Variants in ZNF845 observed in about 807,000 individuals in gnomAD.
The protein encoded by ZNF845 is zinc finger protein 845.
In ZNF845, 59 loss-of-function variants were observed where a neutral mutation model predicts 76.1. The ratio of observed to expected loss-of-function variants is 0.78; its 90% CI spans 0.63 to 0.96. The LOEUF (loss-of-function observed/expected upper bound fraction) is 0.96. ZNF845 is among the 40% of genes least tolerant of loss of function. The pLI, the probability that ZNF845 is intolerant of heterozygous loss-of-function variation, is 0.00. For synonymous variants in ZNF845, 361 were observed against 386.9 expected (o/e 0.93, Z 0.78); for missense variants, 1,045 against 1,172.8 (o/e 0.89, Z 1.59).
At position 53,352,545 on chromosome 19, in the gene ZNF845, G is replaced by A. The variant is rs2085348314; in HGVS notation, c.1870G>A (p.Val624Ile). The stretch of plus-strand genomic sequence containing the variant: ...TTTCAGACATCGTTCATACCTTGCA[G>A]TTCATTGGCGAACTCATAGTGGAGA... ...KFFRHRSYLA[V>I]HWRTHSGEKP... Residue 624 changes from valine to isoleucine, a missense_variant, in exon 4 of 4, where the codon GTT becomes ATT. By Grantham distance (29) the Val-to-Ile change is conservative. Coordinates refer to ENST00000458035, the MANE Select transcript of ZNF845 (RefSeq NM_138374.3). 6.2e-7 allele frequency: 1 copy of A among 1,607,066 alleles called. No homozygotes were observed. Among genetic ancestry groups the A allele is most frequent in the African/African-American group, 1.3e-5 (1 of 74,522 alleles).
chr19:53,339,659 G>A (rs2085242431), intron 1 of ZNF845, among the ~76,000 whole-genome samples: 1 of 152,190 alleles, frequency 6.6e-6, no homozygotes, highest in Non-Finnish European at 1.5e-5. Context: ...GGGCAGCCAG[G>A]AAGCCTCTCC....
intron 3 of ZNF845, among the ~76,000 whole-genome samples, chr19:53,345,871 G>A (rs1000941390): frequency 1.5e-5 from 2 of 129,920 alleles, no homozygotes; most frequent in East Asian, 2.2e-4. Flanking sequence ...TTTTTTTTTT[G>A]TAGTTGTTGT....
chr19:53,345,541 C>A lies in ZNF845; in HGVS notation c.51C>A (p.Phe17Leu), dbSNP rs1465396225. Residue 17 changes from phenylalanine (F) to leucine (L), a missense_variant, in exon 3 of 4, where the codon TTC becomes TTA. Coordinates refer to ENST00000458035, the MANE Select transcript of ZNF845 (RefSeq NM_138374.3). ...CATTCAGGGATGTGGCCATAGAATT[C>A]TCTCAGGAAGAGTGGAAGTGCCTGG... ...LLTFRDVAIE[F>L]SQEEWKCLDP... 2 of 1,613,540 alleles carry A rather than the reference C, an allele frequency of 1.2e-6. No homozygotes were observed. The highest frequency in any genetic ancestry group is 1.7e-5 in the Admixed American group (1 of 59,984).
Position 53,341,256 on chromosome 19 carries a change from G to A in ZNF845, c.-52G>A. 6.2e-7 allele frequency: 1 copy of A among 1,610,202 alleles called. No homozygotes were observed. The highest frequency in any genetic ancestry group is 2.2e-5 in the East Asian group (1 of 44,848). On this transcript the variant is annotated 5_prime_UTR_variant, in exon 2 of 4. Transcript: ENST00000458035. ...TCAGGATTGACTTCTAAAGACTCTT[G>A]GTACGTGAGGAAGAAACCCGGAAGA...
At chr19:53,339,859 CT>C (rs1345709631) in intron 1 of ZNF845, among the ~76,000 whole-genome samples, 1 of 152,160 alleles carries the variant, frequency 6.6e-6, no homozygotes, top group Admixed American at 6.5e-5. Context: ...ACAGACTATC[CT>C]TCCCTGCTTT....
chr19:53,348,064 C>T (rs890934378), intron 3 of ZNF845, among the ~76,000 whole-genome samples: 3 of 152,120 alleles, frequency 2.0e-5, no homozygotes, highest in Non-Finnish European at 4.4e-5. Flanking sequence ...GTGGCGGGCA[C>T]CTGTTATCCC....
rs917663893 is a variant in ZNF845, at chr19:53,355,392, A to G, written c.*1804A>G. 6.6e-6 allele frequency: 1 copy of G among 151,894 alleles called. No individual in the cohort carries two copies. The highest frequency in any genetic ancestry group is 1.5e-5 in the Non-Finnish European group (1 of 67,996). 9.4% of individuals were successfully genotyped at this position (151,894 alleles called of 1,614,324 possible). ...CCTGAGTAGCTGGGACTACAGGCGC[A>G]TGTCACCACACCTAGCTAATTTATT... On this transcript the variant is annotated 3_prime_UTR_variant, in exon 4 of 4. Coordinates refer to ENST00000458035, the MANE Select transcript of ZNF845 (RefSeq NM_138374.3).
In ZNF845 at chr19:53,341,038, G is replaced by T. The variant is rs2085252765; in HGVS notation, c.-73-197G>T. 7 of 565,216 alleles carry T rather than the reference G, an allele frequency of 1.2e-5. No individual in the cohort carries two copies. The South Asian group carries it at 1.6e-4, about 13-fold the overall frequency. The allele number at this position is 565,216 out of a possible 1,614,324, so 35.0% of individuals were successfully genotyped here. On this transcript the variant is annotated intron_variant, in intron 1 of 3. Transcript: ENST00000458035. ...CAGCTACACCCTCACCCCCTCCTCTGGTCCATATTGGCTGCTCTGCATGCT... is the reference window on the plus strand; with the variant it reads ...CAGCTACACCCTCACCCCCTCCTCTTGTCCATATTGGCTGCTCTGCATGCT...
At position 53,341,339 on chromosome 19, in the gene ZNF845, G is replaced by A; in HGVS notation, c.15+17G>A. 6.2e-7 allele frequency: 1 copy of A among 1,613,848 alleles called. No homozygotes were observed. Among genetic ancestry groups the A allele is most frequent in the Non-Finnish European group, 8.5e-7 (1 of 1,179,864 alleles). Reference sequence around the variant, plus strand: ...CTTTCTCAGGTGAGATGATATGTTGGGTGGATTGTTCTGTCTCCTTCCTCT... The same window carrying A: ...CTTTCTCAGGTGAGATGATATGTTGAGTGGATTGTTCTGTCTCCTTCCTCT... On this transcript the variant is annotated intron_variant, in intron 2 of 3. Transcript: ENST00000458035.
intron 2 of ZNF845, among the ~76,000 whole-genome samples, chr19:53,343,355 A>G (rs752310855): frequency 2.0e-5 from 3 of 152,188 alleles, no homozygotes; most frequent in Non-Finnish European, 2.9e-5. Context: ...TTTTCCCTGT[A>G]TAAAGAGTGC....
At chr19:53,343,124 T>C (rs1337534020) in intron 2 of ZNF845, among the ~76,000 whole-genome samples, 2 of 152,170 alleles carry the variant, frequency 1.3e-5, no homozygotes, top group East Asian at 1.9e-4. Context: ...CAGCCCCCAA[T>C]AGTTATTTTC....
Position 53,352,516 on chromosome 19 carries a change from A to C in ZNF845, c.1841A>C (p.Lys614Thr), listed in dbSNP as rs556108155. Reference protein sequence around the residue: ...ERSYKCNRCGKFFRHRSYLAV... With the variant: ...ERSYKCNRCGTFFRHRSYLAV... Reference sequence around the variant, plus strand: ...TCGTACAAGTGTAATAGATGTGGCAAATTTTTCAGACATCGTTCATACCTT... The same window carrying C: ...TCGTACAAGTGTAATAGATGTGGCACATTTTTCAGACATCGTTCATACCTT... Residue 614 changes from lysine (K) to threonine (T), a missense_variant, in exon 4 of 4, where the codon AAA (lysine) becomes ACA (threonine). Physicochemically the swap from Lys to Thr is moderately conservative, Grantham distance 78. Transcript: ENST00000458035. 1.2e-6 allele frequency: 2 copies of C among 1,608,360 alleles called. No individual in the cohort carries two copies. The highest frequency in any genetic ancestry group is 1.7e-6 in the Non-Finnish European group (2 of 1,177,058).
intron 3 of ZNF845, chr19:53,346,371 C>T (rs565620197): frequency 3.6e-6 from 1 of 281,568 alleles, no homozygotes; most frequent in South Asian, 1.8e-5. Flanking sequence ...CTCACCGCAG[C>T]CGGCTTCGCT....
chr19:53,339,687 G>A (rs2085242656), intron 1 of ZNF845, among the ~76,000 whole-genome samples: 1 of 152,172 alleles, frequency 6.6e-6, no homozygotes, highest in African/African-American at 2.4e-5. Flanking sequence ...GCAGAGTTGA[G>A]GTCAACCAGG....
At chr19:53,345,388 G>A (rs531010807) in intron 2 of ZNF845, 118 bp from the exon 3 acceptor site, 27 of 1,574,206 alleles carry the variant, frequency 1.7e-5, no homozygotes, top group East Asian at 6.7e-5. Flanking sequence ...TCCCTTACTC[G>A]GATTTGTCAG....
In ZNF845 at chr19:53,351,773, C is replaced by G. The variant is rs1164538138; in HGVS notation, c.1098C>G (p.Phe366Leu). Residue 366 changes from phenylalanine to leucine, a missense_variant, in exon 4 of 4, where the codon TTC (phenylalanine) becomes TTG (leucine). Coordinates refer to ENST00000458035, the MANE Select transcript of ZNF845 (RefSeq NM_138374.3). The part of the protein sequence containing the change: ...KCEECDKAFS[F>L]KSNLERHRKI... ...AAGAATGTGACAAAGCTTTCAGTTTCAAATCAAACCTTGAAAGACATAGGA... is the reference window on the plus strand; with the variant it reads ...AAGAATGTGACAAAGCTTTCAGTTTGAAATCAAACCTTGAAAGACATAGGA... The G allele has an allele frequency of 2.2e-5, 36 of 1,613,006 alleles. No individual in the cohort carries two copies. The highest frequency in any genetic ancestry group is 3.0e-5 in the Non-Finnish European group (35 of 1,179,810).
chr19:53,351,655 A>G lies in ZNF845; in HGVS notation c.980A>G (p.Tyr327Cys), dbSNP rs2085337243. The change falls in exon 4 of 4, where the codon TAC (tyrosine) becomes TGC (cysteine). Residue 327 changes from tyrosine to cysteine, a missense_variant. Transcript: ENST00000458035. ...GCAATTCATACTGGAGAGAAATCTTACAAGTGTAATGAATGTGGCAAGACC... is the reference window on the plus strand; with the variant it reads ...GCAATTCATACTGGAGAGAAATCTTGCAAGTGTAATGAATGTGGCAAGACC... The part of the protein sequence containing the change: ...HKAIHTGEKS[Y>C]KCNECGKTFS... 6.2e-7 allele frequency: 1 copy of G among 1,614,096 alleles called. No homozygotes were observed. The highest frequency in any genetic ancestry group is 1.7e-5 in the Admixed American group (1 of 60,026).
In ZNF845 at chr19:53,352,949, C is replaced by T. The variant is rs766952487; in HGVS notation, c.2274C>T (p.Arg758=). The change falls in exon 4 of 4, where the codon CGC becomes CGT. Residue 758 remains arginine (R), a synonymous_variant. Transcript: ENST00000458035. ...KCEECDKVFS[R]KSSLEKHRRI... is the part of the protein sequence containing the mutation. ...AAGAATGTGACAAAGTTTTCAGTCG[C>T]AAATCAAGCCTTGAAAAACACAGGA... The T allele has an allele frequency of 3.7e-6, 6 of 1,613,700 alleles. No homozygotes were observed. Among genetic ancestry groups the T allele is most frequent in the Non-Finnish European group, 5.1e-6 (6 of 1,179,918 alleles).
At chr19:53,349,118 A>G (rs1227881611) in intron 3 of ZNF845, among the ~76,000 whole-genome samples, 4 of 151,924 alleles carry the variant, frequency 2.6e-5, no homozygotes, top group African/African-American at 9.7e-5. Context: ...TGGACTCCCA[A>G]AGTGCTGGGA....
Sources: gnomAD v4.1 joint callset for allele counts (sites outside exome capture counted in the v4.1 genomes callset) on GRCh38, gnomAD v4.1.1 for gene constraint, MANE v1.5 for transcripts, NCBI Gene and HGNC (gene_info 2026-07-23, HGNC 2026-07-21) for gene names.